The following NBEA variants were observed in gnomAD, a reference collection of about 807,000 sequenced individuals.
NBEA encodes lysosomal-trafficking regulator 2.
In NBEA, 44 loss-of-function variants were observed where a neutral mutation model predicts 343.4. The ratio of observed to expected loss-of-function variants is 0.13; its 90% CI spans 0.10 to 0.16. NBEA has a LOEUF of 0.16. NBEA is among the 10% of genes least tolerant of loss of function. The pLI is 1.00. For missense variants in NBEA, 2,555 were observed against 3,631.3 expected, an observed-to-expected ratio of 0.70 and a Z score of 7.62; for synonymous variants, 1,175 against 1,238.7, an observed-to-expected ratio of 0.95 and a Z score of 1.08.
chr13:35,601,071 G>A (rs886090040), intron 47 of NBEA, among the ~76,000 whole-genome samples: 1 of 152,050 alleles, frequency 6.6e-6, no homozygotes, highest in Non-Finnish European at 1.5e-5. Context: ...CAGCTACTCG[G>A]GATGCTGAGG....
At chr13:35,643,576 A>T (rs2084073771) in intron 49 of NBEA, among the ~76,000 whole-genome samples, 1 of 152,202 alleles carries the variant, frequency 6.6e-6, no homozygotes, top group Non-Finnish European at 1.5e-5. Flanking sequence ...CTAAGTCACC[A>T]TCCTGACCTG....
At chr13:35,573,397 A>G (rs1169221376) in intron 45 of NBEA, among the ~76,000 whole-genome samples, 1 of 152,192 alleles carries the variant, frequency 6.6e-6, no homozygotes, top group Admixed American at 6.5e-5. Context: ...TTCTCCTTCT[A>G]ATTGAAAAAA....
rs545087878 is a variant in NBEA, at chr13:35,245,647, G to A, written c.5776+13028G>A. Among the ~76,000 whole-genome samples, 12 of 152,288 alleles carry A rather than the reference G, an allele frequency of 7.9e-5. No homozygotes were observed. The East Asian group carries it at 2.1e-3, about 27-fold the overall frequency. On this transcript the variant is annotated intron_variant, in intron 34 of 58. Coordinates refer to ENST00000379939, the MANE Select transcript of NBEA (RefSeq NM_001385012.1). Reference sequence around the variant, plus strand: ...TTCTAGCTTGTAGGGTTTCTGCTGAGAAATCTGCTGTTAATCTGATATGTT... The same window carrying A: ...TTCTAGCTTGTAGGGTTTCTGCTGAAAAATCTGCTGTTAATCTGATATGTT...
At chr13:35,289,304 A>T (rs1285760272) in intron 34 of NBEA, among the ~76,000 whole-genome samples, 3 of 151,916 alleles carry the variant, frequency 2.0e-5, no homozygotes, top group Non-Finnish European at 2.9e-5. Context: ...ATTTCTAAAA[A>T]CTATGAATGT....
chr13:35,592,275 A>G (rs1469813741), intron 46 of NBEA, among the ~76,000 whole-genome samples: 1 of 152,164 alleles, frequency 6.6e-6, no homozygotes, highest in African/African-American at 2.4e-5. Flanking sequence ...TGTCATTTGT[A>G]CTTACTTTAT....
chr13:35,225,643 T>C (rs2074611645), intron 33 of NBEA, among the ~76,000 whole-genome samples: 1 of 152,134 alleles, frequency 6.6e-6, no homozygotes, highest in East Asian at 1.9e-4. Flanking sequence ...GGTTTTATTC[T>C]CTTATAGTTC....
intron 34 of NBEA, among the ~76,000 whole-genome samples, chr13:35,246,424 G>GGGAA (rs1386679446): frequency 2.0e-5 from 3 of 152,120 alleles, no homozygotes; most frequent in African/African-American, 7.2e-5. Context: ...CTTTGTCAGA[G>GGGAA]GGAAGATCTG....
intron 30 of NBEA, among the ~76,000 whole-genome samples, chr13:35,188,911 T>C (rs905851150): frequency 1.4e-5 from 2 of 142,146 alleles, no homozygotes; most frequent in East Asian, 3.9e-4. Flanking sequence ...TTTTTGTTTT[T>C]TTTTTTTTTT....
At chr13:35,116,155 T>A (rs1281586971) in intron 13 of NBEA, among the ~76,000 whole-genome samples, 1 of 152,124 alleles carries the variant, frequency 6.6e-6, no homozygotes, top group Non-Finnish European at 1.5e-5. Context: ...CATTGGTAGC[T>A]TGAACTTGAA....
chr13:35,099,121 G>T (rs1261430987), intron 11 of NBEA, among the ~76,000 whole-genome samples: 4 of 148,622 alleles, frequency 2.7e-5, no homozygotes, highest in Non-Finnish European at 5.9e-5. Context: ...CATCTCCTGA[G>T]TTCGATCAAG....
rs60709883 is a variant in NBEA, at chr13:35,612,073, G to GT, written c.7449+5507dup. 7.1e-3 allele frequency among the ~76,000 whole-genome samples: 1,010 copies of GT among 142,570 alleles called. 9 individuals carry two copies. Among genetic ancestry groups the GT allele is most frequent in the South Asian group, 0.023 (107 of 4,576 alleles). The allele number at this position is 142,570 out of a possible 152,430, so 93.5% of individuals were successfully genotyped here. A position where few individuals can be genotyped will look rare whatever the true frequency, so the allele number is the denominator to read the frequency against. On this transcript the variant is annotated intron_variant, in intron 48 of 58. Transcript: ENST00000379939. ...GCCTCACTCCCACTTGTTATTACCT[G>GT]TTTTTTTTTTTTATTACAGCCATTC...
intron 38 of NBEA, among the ~76,000 whole-genome samples, chr13:35,387,977 C>A (rs1011921555): frequency 1.3e-5 from 2 of 152,108 alleles, no homozygotes; most frequent in Non-Finnish European, 2.9e-5. Context: ...AGAGGAAAAT[C>A]TTTCCCCCCA....
At chr13:35,089,297 A>G in intron 10 of NBEA, among the ~76,000 whole-genome samples, 2 of 148,970 alleles carry the variant, frequency 1.3e-5, no homozygotes, top group African/African-American at 5.0e-5. Context: ...CAGCCAAAAA[A>G]CACATGAAAA....
chr13:35,585,454 C>A (rs1168454320), intron 46 of NBEA, among the ~76,000 whole-genome samples: 3 of 152,034 alleles, frequency 2.0e-5, no homozygotes, highest in Non-Finnish European at 4.4e-5. Flanking sequence ...TTTTACAATA[C>A]CCTCTCCTGG....
At position 35,502,095 on chromosome 13, in the gene NBEA, A is replaced by T. The variant is rs563774161; in HGVS notation, c.6585+29559A>T. ...GCCGGGGCTTTAGTGGAGTGGAGAG[A>T]TGGACAGAAATCACAGGAAACAATG... On this transcript the variant is annotated intron_variant, in intron 41 of 58. Coordinates refer to ENST00000379939, the MANE Select transcript of NBEA (RefSeq NM_001385012.1). Among the ~76,000 whole-genome samples the T allele has an allele frequency of 3.3e-5, 5 of 152,262 alleles. No individual in the cohort carries two copies. In the South Asian group the frequency reaches 1.0e-3, roughly 32 times the overall value.
chr13:35,623,021 CTT>C (rs1456961619), intron 48 of NBEA, among the ~76,000 whole-genome samples: 2 of 152,126 alleles, frequency 1.3e-5, no homozygotes, highest in Non-Finnish European at 2.9e-5. Context: ...AAATATCACT[CTT>C]TATTTCCTTC....
chr13:35,487,272 G>A (rs535440763), intron 41 of NBEA, among the ~76,000 whole-genome samples: 9 of 151,876 alleles, frequency 5.9e-5, no homozygotes, highest in Admixed American at 2.6e-4. Flanking sequence ...ACTATTTTAT[G>A]TACTGATTAG....
chr13:35,598,280 A>C (rs1413548423), intron 47 of NBEA, among the ~76,000 whole-genome samples: 6 of 152,200 alleles, frequency 3.9e-5, no homozygotes, highest in Non-Finnish European at 8.8e-5. Flanking sequence ...GCAGTTCTGA[A>C]ACGCAGCCAG....
chr13:35,478,989 A>G (rs2076007921), intron 41 of NBEA, among the ~76,000 whole-genome samples: 2 of 152,248 alleles, frequency 1.3e-5, no homozygotes, highest in Non-Finnish European at 2.9e-5. Flanking sequence ...TTCGGGGCTC[A>G]CTGTGCAGCT....
Sources: allele counts gnomAD v4.1 joint callset (sites outside exome capture counted in the v4.1 genomes callset), GRCh38; gene constraint gnomAD v4.1.1; transcripts MANE v1.5; gene names NCBI Gene and HGNC (gene_info 2026-07-23, HGNC 2026-07-21).